FANK1: variants seen among roughly 807,000 people sequenced by gnomAD.
The protein encoded by FANK1 is fibronectin type III and ankyrin repeat domains 1, also known as fibronectin type 3 and ankyrin repeat domains protein 1.
Under a neutral mutation model 45.3 loss-of-function variants are expected in FANK1, and 44 were observed. That is an observed-to-expected ratio of 0.97 (90% CI 0.76 to 1.25). The LOEUF is 1.25. Among genes scored for constraint, FANK1 ranks in the 50% most tolerant of loss-of-function variants. The pLI, the probability that FANK1 is intolerant of heterozygous loss-of-function variation, is 0.00. For missense variants in FANK1, 391 were observed against 424.4 expected (o/e 0.92, Z 0.69); for synonymous variants, 149 against 152.5 (o/e 0.98, Z 0.17).
At chr10:125,908,731 T>C (rs903048615) in intron 1 of FANK1, among the ~76,000 whole-genome samples, 2 of 151,074 alleles carry the variant, frequency 1.3e-5, no homozygotes, top group Non-Finnish European at 3.0e-5. Flanking sequence ...CACCATCTGT[T>C]CCCCAAAAAC....
intron 1 of FANK1, among the ~76,000 whole-genome samples, chr10:125,966,362 C>T (rs1428842292): frequency 6.6e-6 from 1 of 152,138 alleles, no homozygotes; most frequent in Non-Finnish European, 1.5e-5. Flanking sequence ...ACTTAAGGCA[C>T]CTCATTCCCA....
chr10:125,931,302 A>G (rs182867932), intron 1 of FANK1, among the ~76,000 whole-genome samples: 3 of 152,324 alleles, frequency 2.0e-5, no homozygotes, highest in African/African-American at 7.2e-5. Context: ...ACTGTTTTCC[A>G]TAGTGGTTGT....
intron 1 of FANK1, among the ~76,000 whole-genome samples, chr10:125,916,589 T>C (rs1309540302): frequency 6.6e-6 from 1 of 152,026 alleles, no homozygotes; most frequent in Non-Finnish European, 1.5e-5. Flanking sequence ...TGCAAATGAA[T>C]AAACAAAATA....
intron 1 of FANK1, among the ~76,000 whole-genome samples, chr10:125,901,409 T>G (rs1176962866): frequency 2.0e-5 from 3 of 152,256 alleles, no homozygotes; most frequent in Non-Finnish European, 2.9e-5. Flanking sequence ...TTTGCATGTC[T>G]TCTTCCACTG....
chr10:125,984,246 C>T (rs1214822908), intron 2 of FANK1, among the ~76,000 whole-genome samples: 3 of 152,186 alleles, frequency 2.0e-5, no homozygotes, highest in Non-Finnish European at 4.4e-5. Context: ...CCAGGCCATG[C>T]GGCAGCCTCT....
At chr10:125,992,721 G>A (rs981969015) in intron 3 of FANK1, among the ~76,000 whole-genome samples, 4 of 152,064 alleles carry the variant, frequency 2.6e-5, no homozygotes, top group Admixed American at 2.0e-4. Flanking sequence ...TGTCCCCACC[G>A]AGAGAGCCTT....
At chr10:125,956,888 G>A (rs887224182) in intron 1 of FANK1, among the ~76,000 whole-genome samples, 15 of 152,130 alleles carry the variant, frequency 9.9e-5, no homozygotes, top group South Asian at 6.2e-4. Flanking sequence ...TCGCTCTGTT[G>A]TCCAGGCAGG....
At chr10:125,936,655 A>G (rs956365017) in intron 1 of FANK1, among the ~76,000 whole-genome samples, 3 of 152,314 alleles carry the variant, frequency 2.0e-5, no homozygotes, top group East Asian at 3.9e-4. Context: ...AGATTAATCC[A>G]TATTGTTGTA....
chr10:125,943,549 T>A (rs531187282), intron 1 of FANK1, among the ~76,000 whole-genome samples: 1 of 152,356 alleles, frequency 6.6e-6, no homozygotes, highest in African/African-American at 2.4e-5. Flanking sequence ...TTGTCTGATT[T>A]GCCTATTCTG....
At chr10:125,979,705 C>A in intron 1 of FANK1, 1 of 351,992 alleles carries the variant, frequency 2.8e-6, no homozygotes. Flanking sequence ...AACCTTGGGC[C>A]TTTATTCCTG....
At chr10:126,003,812 A>G (rs1305462303) in intron 6 of FANK1, among the ~76,000 whole-genome samples, 4 of 151,920 alleles carry the variant, frequency 2.6e-5, no homozygotes, top group Non-Finnish European at 5.9e-5. Context: ...AGTAGCTGGG[A>G]TTATAGGCTC....
chr10:125,955,136 G>A (rs1245069858), intron 1 of FANK1, among the ~76,000 whole-genome samples: 1 of 150,872 alleles, frequency 6.6e-6, no homozygotes, highest in Non-Finnish European at 1.5e-5. Context: ...TAAGTTCAGG[G>A]GTACATGTGC....
In FANK1 at chr10:126,005,054, G is replaced by T; in HGVS notation, c.705+5G>T. The T allele has an allele frequency of 6.2e-7, 1 of 1,611,220 alleles. No homozygotes were observed. On this transcript the variant is annotated splice_donor_5th_base_variant and intron_variant, in intron 7 of 10. Coordinates refer to ENST00000368693, the MANE Select transcript of FANK1 (RefSeq NM_145235.5). ...ATGATAAAGGATGGCTGTGAGGTAC[G>T]GGACCTGCCTTGTTAACCACGCACA...
At chr10:125,978,830 G>C (rs1363699287) in intron 1 of FANK1, among the ~76,000 whole-genome samples, 1 of 152,182 alleles carries the variant, frequency 6.6e-6, no homozygotes, top group African/African-American at 2.4e-5. Flanking sequence ...GGAAGTGGGG[G>C]CTGTTGCTGC....
At chr10:125,930,029 G>C (rs1947644180) in intron 1 of FANK1, among the ~76,000 whole-genome samples, 1 of 152,100 alleles carries the variant, frequency 6.6e-6, no homozygotes, top group Non-Finnish European at 1.5e-5. Context: ...CTATCCAGTT[G>C]ACTTTGGCAC....
intron 1 of FANK1, among the ~76,000 whole-genome samples, chr10:125,935,953 A>G (rs1255328668): frequency 6.6e-6 from 1 of 152,204 alleles, no homozygotes; most frequent in African/African-American, 2.4e-5. Flanking sequence ...AGTGAGGGAA[A>G]GGTTTACATA....
chr10:125,920,725 G>A (rs868802913), intron 1 of FANK1, among the ~76,000 whole-genome samples: 1 of 152,138 alleles, frequency 6.6e-6, no homozygotes, highest in South Asian at 2.1e-4. Context: ...GCAATGGTTG[G>A]TTCTGTACAA....
At chr10:125,992,606 G>C (rs998372821) in intron 3 of FANK1, among the ~76,000 whole-genome samples, 4 of 152,058 alleles carry the variant, frequency 2.6e-5, no homozygotes, top group Admixed American at 6.5e-5. Context: ...AAAAGCCCTG[G>C]TCTTTGCTAC....
chr10:125,995,601 T>C, intron 4 of FANK1, 103 bp downstream of exon 4: 1 of 1,057,232 alleles, frequency 9.5e-7, no homozygotes, highest in South Asian at 1.3e-5. Context: ...CCCATGGCTT[T>C]GAAACTGCCT....
Sources: allele counts gnomAD v4.1 joint callset (sites outside exome capture counted in the v4.1 genomes callset), GRCh38; gene constraint gnomAD v4.1.1; transcripts MANE v1.5; gene names NCBI Gene and HGNC (gene_info 2026-07-23, HGNC 2026-07-21).